The following PPP2R1B variants were observed in gnomAD, a reference collection of about 807,000 sequenced individuals.
PPP2R1B encodes serine/threonine-protein phosphatase 2A 65 kDa regulatory subunit A beta isoform.
Under a neutral mutation model 72.7 loss-of-function variants are expected in PPP2R1B, and 58 were observed. The observed-to-expected ratio is 0.80, with a 90% CI of 0.65 to 0.99. The LOEUF is 0.99. Among genes scored for constraint, PPP2R1B ranks in the 50% least tolerant of loss-of-function variants. The pLI is 0.00. For synonymous variants in PPP2R1B, 256 were observed against 264.6 expected (o/e 0.97, Z 0.32); for missense variants, 695 against 733.6 (o/e 0.95, Z 0.61).
chr11:111,737,513 T>C (rs1944373081), downstream of PPP2R1B: 1 of 1,614,100 alleles, frequency 6.2e-7, no homozygotes, highest in Admixed American at 1.7e-5. Context: ...CGAGGGACAC[T>C]GGGTTCTCCA....
chr11:111,742,622 A>AT lies in PPP2R1B; in HGVS notation c.1597dup (p.Met533AsnfsTer51). On this transcript the variant is annotated frameshift_variant, in exon 13 of 15. Coordinates refer to ENST00000527614, the MANE Select transcript of PPP2R1B (RefSeq NM_002716.5). LOFTEE classifies it high-confidence loss of function. ...TGCCATTTTTAATACGATGGGCAGCATTTGCTTAGTAGTTATTTCCTGACC... is the reference window on the plus strand; with the variant it reads ...TGCCATTTTTAATACGATGGGCAGCATTTTGCTTAGTAGTTATTTCCTGACC... 6.2e-7 allele frequency: 1 copy of AT among 1,613,766 alleles called. No individual in the cohort carries two copies. The highest frequency in any genetic ancestry group is 8.5e-7 in the Non-Finnish European group (1 of 1,179,934).
chr11:111,703,499 T>C, the PPP2R1B span: 1 of 1,338,828 alleles, frequency 7.5e-7, no homozygotes, highest in Non-Finnish European at 1.1e-6. Flanking sequence ...GTCATCCTGG[T>C]CTTTTAGCAC....
downstream of PPP2R1B, among the ~76,000 whole-genome samples, chr11:111,736,337 G>A (rs887429033): frequency 6.6e-6 from 1 of 152,148 alleles, no homozygotes; most frequent in Non-Finnish European, 1.5e-5. Flanking sequence ...GTCATACCAC[G>A]CATTCATGGC....
chr11:111,707,131 G>A, the PPP2R1B span, among the ~76,000 whole-genome samples: 5 of 152,112 alleles, frequency 3.3e-5, no homozygotes, highest in African/African-American at 9.7e-5. Flanking sequence ...CATGTAAGAC[G>A]TAGTGGAACT....
At chr11:111,745,133 C>T (rs1044858628) in intron 11 of PPP2R1B, among the ~76,000 whole-genome samples, 4 of 150,112 alleles carry the variant, frequency 2.7e-5, no homozygotes, top group Non-Finnish European at 5.9e-5. Flanking sequence ...CTCACTGCAA[C>T]CTCCGCCTCC....
At chr11:111,712,380 GGC>G in the PPP2R1B span, 1 of 1,612,052 alleles carries the variant, frequency 6.2e-7, no homozygotes, top group South Asian at 1.1e-5. Context: ...CCAAAGGTAC[GGC>G]TATGTTTGAG....
At chr11:111,700,601 C>G in the PPP2R1B span, among the ~76,000 whole-genome samples, 1 of 152,166 alleles carries the variant, frequency 6.6e-6, no homozygotes, top group South Asian at 2.1e-4. Context: ...CACTTTAAGG[C>G]TGATTTTCTT....
At chr11:111,724,488 A>C, downstream of PPP2R1B, 1 of 265,740 alleles carries the variant, frequency 3.8e-6, no homozygotes. Flanking sequence ...ACCTTGGTGA[A>C]AGCAGAAAGG....
chr11:111,737,905 C>T lies in PPP2R1B; in HGVS notation c.*3691G>A. The T allele has an allele frequency of 9.2e-7, 1 of 1,084,466 alleles. No homozygotes were observed. Among genetic ancestry groups the T allele is most frequent in the Non-Finnish European group, 1.1e-6 (1 of 889,616 alleles). The allele number at this position is 1,084,466 out of a possible 1,614,324, so 67.2% of individuals were successfully genotyped here. ...CAGAACTCATATCAGTTTAAGAGAA[C>T]AACTCTGGAGACAGAAATGGCTTGG... On this transcript the variant is annotated 3_prime_UTR_variant, in exon 15 of 15. Transcript: ENST00000527614.
the PPP2R1B span, chr11:111,704,926 G>C: frequency 6.7e-7 from 1 of 1,502,422 alleles, no homozygotes; most frequent in South Asian, 1.3e-5. Context: ...TTTTAGGCAT[G>C]TGTAGATCAT....
chr11:111,696,823 A>G, the PPP2R1B span, among the ~76,000 whole-genome samples: 1 of 152,242 alleles, frequency 6.6e-6, no homozygotes. Context: ...ATGAAGCATG[A>G]GTATAGTCCA....
At chr11:111,691,246 C>T in the PPP2R1B span, among the ~76,000 whole-genome samples, 1 of 152,090 alleles carries the variant, frequency 6.6e-6, no homozygotes, top group South Asian at 2.1e-4. Flanking sequence ...TCTTCAAGCC[C>T]TTCTAATTAT....
In PPP2R1B at chr11:111,755,452, T is replaced by C; in HGVS notation, c.688-2A>G. 6.3e-7 allele frequency: 1 copy of C among 1,595,578 alleles called. No individual in the cohort carries two copies. ...CACAGCAAGGAGGCGCACTGAATCC[T>C]AAAGGAACAAAATTTCTGTAATTCA... On this transcript the variant is annotated splice_acceptor_variant, in intron 5 of 14. Transcript: ENST00000527614. LOFTEE classifies it high-confidence loss of function.
chr11:111,736,336 C>A (rs117164588), downstream of PPP2R1B, among the ~76,000 whole-genome samples: 4 of 152,236 alleles, frequency 2.6e-5, no homozygotes, highest in African/African-American at 9.6e-5. Flanking sequence ...GGTCATACCA[C>A]GCATTCATGG....
At chr11:111,711,494 A>G in the PPP2R1B span, among the ~76,000 whole-genome samples, 1 of 152,238 alleles carries the variant, frequency 6.6e-6, no homozygotes, top group African/African-American at 2.4e-5. Flanking sequence ...ACGTGAGAAC[A>G]GACTTCAAAC....
intron 15 of PPP2R1B, chr11:111,728,666 C>G (rs182621214): frequency 2.0e-5 from 3 of 152,162 alleles, no homozygotes; most frequent in African/African-American, 7.2e-5. Context: ...CGGTGGCTCA[C>G]GCCTGTAATC....
At chr11:111,725,819 C>CT (rs1943947187), downstream of PPP2R1B, 1 of 152,632 alleles carries the variant, frequency 6.6e-6, no homozygotes, top group African/African-American at 2.4e-5. Flanking sequence ...TGGCCAGAGA[C>CT]TGCCTGGTCG....
At chr11:111,743,271 G>T in intron 12 of PPP2R1B, 105 bp downstream of exon 12, 1 of 1,138,558 alleles carries the variant, frequency 8.8e-7, no homozygotes. Flanking sequence ...ATCAATACAA[G>T]ACATATATTC....
intron 12 of PPP2R1B, among the ~76,000 whole-genome samples, chr11:111,742,937 T>A (rs975916921): frequency 1.3e-5 from 2 of 151,804 alleles, no homozygotes; most frequent in African/African-American, 4.8e-5. Flanking sequence ...TGGAGTGTAG[T>A]GGCGCGATCT....
Sources: allele counts gnomAD v4.1 joint callset (sites outside exome capture counted in the v4.1 genomes callset), GRCh38; gene constraint gnomAD v4.1.1; transcripts MANE v1.5; gene names NCBI Gene and HGNC (gene_info 2026-07-23, HGNC 2026-07-21).